The following MYOCD variants were observed in gnomAD, a reference collection of about 807,000 sequenced individuals.
The protein encoded by MYOCD is myocardin.
Under a neutral mutation model 96.1 loss-of-function variants are expected in MYOCD, and 32 were observed. The ratio of observed to expected loss-of-function variants is 0.33; its 90% CI spans 0.25 to 0.45. The LOEUF (loss-of-function observed/expected upper bound fraction) is 0.45, where lower values mean the gene tolerates loss of function less well. Among genes scored for constraint, MYOCD ranks in the 20% least tolerant of loss-of-function variants. MYOCD has a pLI of 1.00. For missense variants in MYOCD, 1,133 were observed against 1,200.6 expected (o/e 0.94, Z 0.83); for synonymous variants, 469 against 469.0 (o/e 1.00, Z 0.00).
intron 9 of MYOCD, among the ~76,000 whole-genome samples, chr17:12,748,495 T>G (rs1049206447): frequency 7.9e-5 from 12 of 152,186 alleles, no homozygotes. Flanking sequence ...TTAGACTTTC[T>G]ATCTACTTTT....
At chr17:12,675,218 A>G (rs1597722272) in intron 1 of MYOCD, among the ~76,000 whole-genome samples, 2 of 152,308 alleles carry the variant, frequency 1.3e-5, no homozygotes, top group East Asian at 3.9e-4. Context: ...AATTAGCAAA[A>G]TTTTAAAATG....
At chr17:12,732,440 G>A (rs770149497) in intron 5 of MYOCD, among the ~76,000 whole-genome samples, 1 of 152,126 alleles carries the variant, frequency 6.6e-6, no homozygotes, top group Non-Finnish European at 1.5e-5. Flanking sequence ...CCTCCTCCGG[G>A]AGGCTTCTTG....
chr17:12,741,696 CGA>C (rs1027708898), intron 7 of MYOCD, among the ~76,000 whole-genome samples: 9 of 135,162 alleles, frequency 6.7e-5, no homozygotes, highest in Middle Eastern at 7.2e-3. Flanking sequence ...GTCGACAGAG[CGA>C]GACTCTGTAT....
chr17:12,697,780 T>C (rs1482652347), intron 1 of MYOCD, among the ~76,000 whole-genome samples: 1 of 152,192 alleles, frequency 6.6e-6, no homozygotes, highest in Non-Finnish European at 1.5e-5. Context: ...TATAAATTAA[T>C]ACGAATTAGA....
rs1470138370 is a variant in MYOCD at position 12,764,614 on chromosome 17, A to G, written c.*970A>G. On this transcript the variant is annotated 3_prime_UTR_variant, in exon 14 of 14. Transcript: ENST00000425538. ...CCTGGGATAAACACCCTGGGTTCCT[A>G]TAGAAGGACTATTACTTATGGGAGT... The G allele has an allele frequency of 2.0e-5, 3 of 152,238 alleles. No homozygotes were observed. Among genetic ancestry groups the G allele is most frequent in the African/African-American group, 7.2e-5 (3 of 41,458 alleles). The allele number at this position is 152,238 out of a possible 1,614,324, so 9.4% of individuals were successfully genotyped here.
At chr17:12,701,783 T>C (rs1405832023) in intron 1 of MYOCD, among the ~76,000 whole-genome samples, 2 of 152,208 alleles carry the variant, frequency 1.3e-5, no homozygotes, top group African/African-American at 4.8e-5. Context: ...TATTATTCGG[T>C]TTAAAATATT....
At chr17:12,680,951 C>G (rs556617201) in intron 1 of MYOCD, among the ~76,000 whole-genome samples, 1 of 152,278 alleles carries the variant, frequency 6.6e-6, no homozygotes, top group Admixed American at 6.5e-5. Flanking sequence ...TGCTCACATG[C>G]CTGCTGCGTG....
chr17:12,742,917 T>C (rs2032555658), intron 7 of MYOCD, among the ~76,000 whole-genome samples: 1 of 152,172 alleles, frequency 6.6e-6, no homozygotes, highest in Non-Finnish European at 1.5e-5. Context: ...GACCCATTCC[T>C]TCCTAATATA....
rs1011589205 is a variant in MYOCD at position 12,768,757 on chromosome 17, C to A, written c.*5113C>A. On this transcript the variant is annotated 3_prime_UTR_variant, in exon 14 of 14. Coordinates refer to ENST00000425538, the MANE Select transcript of MYOCD (RefSeq NM_001146312.3). The stretch of plus-strand genomic sequence containing the variant: ...AAGAAAAAAAGAGCAAGCATAGGTT[C>A]TCTGTGGGACCTTGTGGAGTGGTGT... 6.6e-6 allele frequency: 1 copy of A among 152,038 alleles called. No homozygotes were observed. The highest frequency in any genetic ancestry group is 2.4e-5 in the African/African-American group (1 of 41,390). The allele number at this position is 152,038 out of a possible 1,614,324, so 9.4% of individuals were successfully genotyped here.
intron 8 of MYOCD, among the ~76,000 whole-genome samples, chr17:12,745,371 G>A (rs565083865): frequency 3.2e-4 from 49 of 151,902 alleles, no homozygotes; most frequent in Non-Finnish European, 5.7e-4. Flanking sequence ...CACCACGCCC[G>A]GCTAATTTTG....
intron 5 of MYOCD, among the ~76,000 whole-genome samples, chr17:12,724,750 A>G (rs2031946402): frequency 6.6e-6 from 1 of 152,002 alleles, no homozygotes; most frequent in East Asian, 1.9e-4. Flanking sequence ...GAGAGGTCTA[A>G]TTTTTTTGTT....
chr17:12,733,965 C>A (rs2032261345), intron 5 of MYOCD, among the ~76,000 whole-genome samples: 1 of 152,142 alleles, frequency 6.6e-6, no homozygotes, highest in Non-Finnish European at 1.5e-5. Context: ...GCTATTGCTG[C>A]CACTGCTAGG....
chr17:12,736,123 T>G, intron 5 of MYOCD, 38 bp from the exon 6 acceptor site: 1 of 1,601,014 alleles, frequency 6.2e-7, no homozygotes, highest in Non-Finnish European at 8.6e-7. Flanking sequence ...TTGATGCTCC[T>G]AAGCCACTGA....
intron 5 of MYOCD, among the ~76,000 whole-genome samples, chr17:12,729,248 C>A (rs552204023): frequency 6.6e-6 from 1 of 152,304 alleles, no homozygotes; most frequent in Non-Finnish European, 1.5e-5. Context: ...CACACTGAGG[C>A]ATACGTGACA....
chr17:12,672,472 G>A (rs567096478), intron 1 of MYOCD, among the ~76,000 whole-genome samples: 1 of 152,320 alleles, frequency 6.6e-6, no homozygotes, highest in South Asian at 2.1e-4. Context: ...TACGTAACGA[G>A]ATTTGGATCA....
chr17:12,723,472 C>T (rs933442706), intron 5 of MYOCD, among the ~76,000 whole-genome samples: 1 of 152,230 alleles, frequency 6.6e-6, no homozygotes, highest in African/African-American at 2.4e-5. Flanking sequence ...ACCCAGCTCA[C>T]AGGCTCCTGG....
At chr17:12,712,650 A>G (rs1368516490) in intron 2 of MYOCD, among the ~76,000 whole-genome samples, 1 of 152,206 alleles carries the variant, frequency 6.6e-6, no homozygotes. Flanking sequence ...GGGGACAGAA[A>G]TAGGAATAGC....
At position 12,763,351 on chromosome 17, in the gene MYOCD, T is replaced by G. The variant is rs2033241406; in HGVS notation, c.2668T>G (p.Phe890Val). 6.2e-7 allele frequency: 1 copy of G among 1,600,510 alleles called. No homozygotes were observed. Among genetic ancestry groups the G allele is most frequent in the Admixed American group, 1.7e-5 (1 of 58,502 alleles). The part of the protein sequence containing the change: ...EPHFDGIMDG[F>V]SGKAAEDLFN... ...TCACTTTGATGGGATAATGGATGGA[T>G]TCTCTGGGAAGGCTGCAGAAGACCT... Residue 890 changes from phenylalanine (F) to valine (V), a missense_variant, in exon 14 of 14, where the codon TTC (phenylalanine) becomes GTC (valine). Physicochemically the swap from Phe to Val is conservative, Grantham distance 50. Coordinates refer to ENST00000425538, the MANE Select transcript of MYOCD (RefSeq NM_001146312.3).
chr17:12,684,850 A>C (rs2030016664), intron 1 of MYOCD, among the ~76,000 whole-genome samples: 2 of 151,946 alleles, frequency 1.3e-5, no homozygotes, highest in African/African-American at 4.8e-5. Flanking sequence ...CGTCTCAAAA[A>C]AAAAAAAAAA....
Sources: gnomAD v4.1 joint callset for allele counts (sites outside exome capture counted in the v4.1 genomes callset) on GRCh38, gnomAD v4.1.1 for gene constraint, MANE v1.5 for transcripts, NCBI Gene and HGNC (gene_info 2026-07-23, HGNC 2026-07-21) for gene names.